Variants in SMURF1 observed in about 807,000 individuals in gnomAD.
SMURF1 encodes the protein SMAD specific E3 ubiquitin protein ligase 1.
SMURF1 carries 44 observed loss-of-function variants against 98.0 expected under a neutral mutation model. The ratio of observed to expected loss-of-function variants is 0.45; its 90% CI spans 0.35 to 0.58. The LOEUF (loss-of-function observed/expected upper bound fraction) is 0.58. Among genes scored for constraint, SMURF1 ranks in the 20% least tolerant of loss-of-function variants. The pLI is 0.00. For missense variants in SMURF1, 687 were observed against 938.4 expected (o/e 0.73, Z 3.50); for synonymous variants, 396 against 374.9 (o/e 1.06, Z -0.65).
chr7:99,143,754 G>T lies in SMURF1; in HGVS notation c.27C>A (p.Asn9Lys), dbSNP rs1798203218. The part of the protein sequence containing the change: MSNPGTRR[N>K]GSSIKIRLTV... The stretch of plus-strand genomic sequence containing the variant: ...TCAGACGGATCTTGATGCTGGAGCC[G>T]TTCCTGCGTGTCCCGGGGTTCGACA... The change falls in exon 1 of 18, where the codon AAC becomes AAA. Residue 9 changes from asparagine to lysine, a missense_variant. By Grantham distance (94) the Asn-to-Lys change is moderately conservative. Transcript: ENST00000361368. 1 of 1,562,744 alleles carries T rather than the reference G, an allele frequency of 6.4e-7. No homozygotes were observed. Among genetic ancestry groups the T allele is most frequent in the Non-Finnish European group, 8.6e-7 (1 of 1,157,140 alleles).
At chr7:99,139,599 C>G (rs1798069634) in intron 1 of SMURF1, among the ~76,000 whole-genome samples, 2 of 152,118 alleles carry the variant, frequency 1.3e-5, no homozygotes, top group South Asian at 4.1e-4. Context: ...AAAGTTTTTG[C>G]AAATCCTGCT....
intron 6 of SMURF1, 77 bp downstream of exon 6, chr7:99,054,713 G>T: frequency 8.1e-7 from 1 of 1,238,804 alleles, no homozygotes; most frequent in Non-Finnish European, 1.2e-6. Context: ...ACTTAAGGAG[G>T]GAAGGGCGCT....
chr7:99,065,151 T>G (rs1215129348), intron 1 of SMURF1, among the ~76,000 whole-genome samples: 2 of 151,882 alleles, frequency 1.3e-5, no homozygotes, highest in East Asian at 3.9e-4. Context: ...TGGAGTGCAG[T>G]GGTGCGATCA....
chr7:99,071,704 T>C (rs1057031576), intron 1 of SMURF1, among the ~76,000 whole-genome samples: 1 of 152,186 alleles, frequency 6.6e-6, no homozygotes, highest in African/African-American at 2.4e-5. Context: ...CTCATTAAAG[T>C]CTATCTATAT....
intron 5 of SMURF1, among the ~76,000 whole-genome samples, chr7:99,056,586 T>C (rs939387296): frequency 6.6e-6 from 1 of 152,208 alleles, no homozygotes; most frequent in African/African-American, 2.4e-5. Context: ...ACCATTCTTA[T>C]TATCTACCCT....
chr7:99,114,181 C>T (rs372648898), intron 1 of SMURF1, among the ~76,000 whole-genome samples: 8 of 151,932 alleles, frequency 5.3e-5, no homozygotes, highest in Admixed American at 1.3e-4. Flanking sequence ...TTGTAAACCA[C>T]GGGGCAACCA....
chr7:99,119,004 T>A (rs937855594), intron 1 of SMURF1, among the ~76,000 whole-genome samples: 4 of 588 alleles, frequency 6.8e-3, no homozygotes, highest in African/African-American at 0.013. Context: ...AACATGCCAA[T>A]TTTTTTTTTT....
intron 1 of SMURF1, among the ~76,000 whole-genome samples, chr7:99,082,437 C>T (rs563849106): frequency 8.5e-5 from 13 of 152,288 alleles, no homozygotes; most frequent in Non-Finnish European, 1.6e-4. Flanking sequence ...ATGTGTATAT[C>T]CACTTGTTCC....
chr7:99,127,340 G>A (rs951745256), intron 1 of SMURF1, among the ~76,000 whole-genome samples: 4 of 152,044 alleles, frequency 2.6e-5, no homozygotes, highest in African/African-American at 9.7e-5. Flanking sequence ...GAGGGAGGGA[G>A]TGAGAAAAGG....
chr7:99,058,999 G>A (rs1024617061), intron 3 of SMURF1, among the ~76,000 whole-genome samples: 9 of 152,180 alleles, frequency 5.9e-5, no homozygotes, highest in African/African-American at 9.7e-5. Context: ...ATCGAGAATC[G>A]CTTGAACCCA....
chr7:99,082,315 C>T (rs964527157), intron 1 of SMURF1, among the ~76,000 whole-genome samples: 14 of 152,152 alleles, frequency 9.2e-5, no homozygotes, highest in African/African-American at 2.9e-4. Flanking sequence ...CTTTTGTTGC[C>T]TGTGCTTTGT....
intron 1 of SMURF1, among the ~76,000 whole-genome samples, chr7:99,127,416 G>A (rs1031086943): frequency 4.6e-5 from 7 of 152,144 alleles, no homozygotes; most frequent in Non-Finnish European, 8.8e-5. Context: ...GCTCGGCCGG[G>A]CCTGGTGGCT....
At chr7:99,113,105 T>A (rs903792445) in intron 1 of SMURF1, among the ~76,000 whole-genome samples, 1 of 152,182 alleles carries the variant, frequency 6.6e-6, no homozygotes, top group Non-Finnish European at 1.5e-5. Context: ...AGGAAAATTA[T>A]TTTTAAAAAT....
chr7:99,045,195 TAGC>T, intron 11 of SMURF1, among the ~76,000 whole-genome samples: 1 of 152,200 alleles, frequency 6.6e-6, no homozygotes, highest in Non-Finnish European at 1.5e-5. Context: ...GGACATGAAA[TAGC>T]AGTTTTTCAT....
chr7:99,101,687 C>G (rs1327047410), intron 1 of SMURF1, among the ~76,000 whole-genome samples: 1 of 152,174 alleles, frequency 6.6e-6, no homozygotes, highest in Non-Finnish European at 1.5e-5. Context: ...CGCCTGTAAT[C>G]CCAGCACTTC....
At chr7:99,063,263 ATATATATATATATATATATATATATATAT>A (rs1796097644) in intron 1 of SMURF1, among the ~76,000 whole-genome samples, 2 of 8,226 alleles carry the variant, frequency 2.4e-4, no homozygotes, top group African/African-American at 6.0e-4. Flanking sequence ...ATATATATAT[ATATATATATATATATATATATATATATAT>A]ATATATATAT....
intron 1 of SMURF1, among the ~76,000 whole-genome samples, chr7:99,096,213 T>C (rs1028444834): frequency 1.3e-5 from 2 of 152,108 alleles, no homozygotes; most frequent in Admixed American, 6.5e-5. Flanking sequence ...GGCCACCTGG[T>C]AAAATACAGA....
At chr7:99,040,021 C>T (rs748220460) in intron 13 of SMURF1, among the ~76,000 whole-genome samples, 10 of 152,240 alleles carry the variant, frequency 6.6e-5, no homozygotes, top group Non-Finnish European at 7.4e-5. Context: ...TCTGTGATCG[C>T]GCCTTCTTCA....
At position 99,054,215 on chromosome 7, in the gene SMURF1, G is replaced by A. The variant is rs182090256; in HGVS notation, c.479+575C>T. ...GCCTCCCAAAGTGCTGGGATTACAG[G>A]CAGTTATAATTCTTATTGATGCTCA... On this transcript the variant is annotated intron_variant, in intron 6 of 17. Coordinates refer to ENST00000361368, the MANE Select transcript of SMURF1 (RefSeq NM_181349.3). Among the ~76,000 whole-genome samples the A allele has an allele frequency of 2.5e-4, 38 of 152,250 alleles. No individual in the cohort carries two copies. In the South Asian group the frequency reaches 3.3e-3, roughly 13 times the overall value.
Sources: allele counts gnomAD v4.1 joint callset (sites outside exome capture counted in the v4.1 genomes callset), GRCh38; gene constraint gnomAD v4.1.1; transcripts MANE v1.5; gene names NCBI Gene and HGNC (gene_info 2026-07-23, HGNC 2026-07-21).